Variants in RUVBL1 observed in about 807,000 individuals in gnomAD.
RUVBL1 encodes RuvB like AAA ATPase 1, also known as ruvB-like 1.
RUVBL1 carries 4 observed loss-of-function variants against 52.4 expected under a neutral mutation model. The ratio of observed to expected loss-of-function variants is 0.08; its 90% CI spans 0.04 to 0.17. RUVBL1 has a LOEUF of 0.17. RUVBL1 is among the 10% of genes least tolerant of loss of function. The pLI is 1.00. For missense variants in RUVBL1, 298 were observed against 572.8 expected (o/e 0.52, Z 4.90); for synonymous variants, 217 against 214.4 (o/e 1.01, Z -0.10).
At chr3:128,076,266 C>G (rs1186736393), downstream of RUVBL1, among the ~76,000 whole-genome samples, 3 of 152,070 alleles carry the variant, frequency 2.0e-5, no homozygotes, top group Non-Finnish European at 4.4e-5. This position sits in a 1 kb window ranked among gnomAD's most constrained non-coding sequence, Gnocchi z 6.8. Flanking sequence ...CGGTGGGGAG[C>G]GAGCAGGGCC....
intron 8 of RUVBL1, among the ~76,000 whole-genome samples, chr3:128,091,302 CG>C (rs143644091): frequency 3.0e-5 from 2 of 66,286 alleles, no homozygotes; most frequent in Non-Finnish European, 6.7e-5. Context: ...GCTGGGGGAA[CG>C]GGGGGTGGGG....
chr3:128,107,880 C>T (rs974527696), intron 3 of RUVBL1, among the ~76,000 whole-genome samples: 3 of 152,190 alleles, frequency 2.0e-5, no homozygotes, highest in Non-Finnish European at 2.9e-5. Flanking sequence ...GGAATGCTTA[C>T]TTATATTTAC....
chr3:128,064,921 G>A, exon 10 of RUVBL1: 1 of 1,613,682 alleles, frequency 6.2e-7, no homozygotes, highest in South Asian at 1.1e-5. Context: ...CCATCTGCTG[G>A]CCACACGCAC....
intron 9 of RUVBL1, chr3:128,069,330 G>A (rs192162457): frequency 1.2e-5 from 9 of 760,920 alleles, no homozygotes; most frequent in South Asian, 5.3e-5. Context: ...GGCCTAGAGC[G>A]CTAGCATGTT....
At chr3:128,118,053 A>C (rs1404886920) in intron 2 of RUVBL1, among the ~76,000 whole-genome samples, 1 of 152,218 alleles carries the variant, frequency 6.6e-6, no homozygotes, top group Non-Finnish European at 1.5e-5. Flanking sequence ...AACGTGAGAG[A>C]CTTTCCCACC....
intron 9 of RUVBL1, among the ~76,000 whole-genome samples, chr3:128,072,190 A>G (rs975577523): frequency 4.6e-5 from 7 of 152,146 alleles, no homozygotes; most frequent in African/African-American, 1.7e-4. Context: ...CGTGTCTAGA[A>G]GTCTTTCTGT....
chr3:128,082,436 C>T lies in RUVBL1; in HGVS notation c.1211+47G>A, dbSNP rs1942505830. On this transcript the variant is annotated intron_variant, in intron 10 of 10. Transcript: ENST00000322623. This position sits in a 1 kb window ranked among gnomAD's most constrained non-coding sequence, Gnocchi z 4.7. Reference sequence around the variant, plus strand: ...TGTCCAGAATGACCCCAGCGAGGGCCCTGGCTGTGCTGGGGAGGCCCCGGC... The same window carrying T: ...TGTCCAGAATGACCCCAGCGAGGGCTCTGGCTGTGCTGGGGAGGCCCCGGC... The T allele has an allele frequency of 7.0e-7, 1 of 1,418,822 alleles. No individual in the cohort carries two copies. The highest frequency in any genetic ancestry group is 1.4e-5 in the African/African-American group (1 of 71,038). 87.9% of individuals were successfully genotyped at this position (1,418,822 alleles called of 1,614,324 possible).
At chr3:128,138,854 AC>A (rs1305085109) in intron 1 of RUVBL1, among the ~76,000 whole-genome samples, 3 of 152,120 alleles carry the variant, frequency 2.0e-5, no homozygotes, top group Non-Finnish European at 4.4e-5. Flanking sequence ...AAAAACAAAA[AC>A]AAAAACATAG....
chr3:128,124,064 G>A (rs1576480096), upstream of RUVBL1, among the ~76,000 whole-genome samples: 1 of 152,276 alleles, frequency 6.6e-6, no homozygotes, highest in South Asian at 2.1e-4. Flanking sequence ...AGTGGCCCCC[G>A]GGTACCACTC....
At chr3:128,131,010 T>C (rs1225564803) in intron 1 of RUVBL1, among the ~76,000 whole-genome samples, 1 of 152,050 alleles carries the variant, frequency 6.6e-6, no homozygotes, top group African/African-American at 2.4e-5. Context: ...TCTTAGCTAC[T>C]TGGGAGGCTG....
At chr3:128,098,640 T>A (rs1188252307) in intron 7 of RUVBL1, among the ~76,000 whole-genome samples, 1 of 152,188 alleles carries the variant, frequency 6.6e-6, no homozygotes, top group African/African-American at 2.4e-5. Flanking sequence ...AATCCCTATT[T>A]CTGGGGCCTC....
At chr3:128,124,342 C>G (rs1242887344), upstream of RUVBL1, among the ~76,000 whole-genome samples, 1 of 151,880 alleles carries the variant, frequency 6.6e-6, no homozygotes, top group Non-Finnish European at 1.5e-5. Flanking sequence ...GTTCAGTTGA[C>G]TGTAAATAAC....
At chr3:128,116,548 A>G (rs1012439845) in intron 2 of RUVBL1, among the ~76,000 whole-genome samples, 1 of 151,816 alleles carries the variant, frequency 6.6e-6, no homozygotes, top group African/African-American at 2.4e-5. Context: ...AAAAAAAGAC[A>G]TTATAACTTG....
At chr3:128,114,970 T>C (rs1943486332) in intron 2 of RUVBL1, among the ~76,000 whole-genome samples, 1 of 151,832 alleles carries the variant, frequency 6.6e-6, no homozygotes, top group Admixed American at 6.6e-5. Flanking sequence ...ACAGAAGAGA[T>C]GAACATACTT....
chr3:128,129,684 T>C (rs2107727464), intron 1 of RUVBL1, among the ~76,000 whole-genome samples: 1 of 152,296 alleles, frequency 6.6e-6, no homozygotes, highest in East Asian at 1.9e-4. Flanking sequence ...TAGAATATTA[T>C]TAAGCCCTAA....
At chr3:128,146,314 G>A (rs554617727) in intron 1 of RUVBL1, among the ~76,000 whole-genome samples, 18 of 152,088 alleles carry the variant, frequency 1.2e-4, no homozygotes, top group African/African-American at 1.9e-4. Context: ...ATGTGCGTGC[G>A]TCTGTGTGTG....
intron 1 of RUVBL1, among the ~76,000 whole-genome samples, chr3:128,150,963 A>ATATATATTATATATAT (rs1944194502): frequency 2.2e-5 from 2 of 91,194 alleles, no homozygotes; most frequent in African/African-American, 9.1e-5. Flanking sequence ...TATATATTCT[A>ATATATATTATATATAT]TATATTATAT....
At chr3:128,100,309 G>A (rs545238020) in intron 6 of RUVBL1, among the ~76,000 whole-genome samples, 34 of 152,330 alleles carry the variant, frequency 2.2e-4, no homozygotes, top group African/African-American at 7.5e-4. Flanking sequence ...AATCCCAGGT[G>A]TGAGCCCACT....
At position 128,113,620 on chromosome 3, in the gene RUVBL1, G is replaced by C. The variant is rs139369468; in HGVS notation, c.229-600C>G. 2.3e-3 allele frequency among the ~76,000 whole-genome samples: 343 copies of C among 152,172 alleles called. 3 individuals are homozygous for C. The highest frequency in any genetic ancestry group is 7.9e-3 in the African/African-American group (326 of 41,516). On this transcript the variant is annotated intron_variant, in intron 2 of 10. Transcript: ENST00000322623. The stretch of plus-strand genomic sequence containing the variant: ...ATGCTATGTAAATAGTTATTATATT[G>C]TATTTTTAAGTATGTATTATTTTTG...
Sources: allele counts gnomAD v4.1 joint callset (sites outside exome capture counted in the v4.1 genomes callset), GRCh38; gene constraint gnomAD v4.1.1; non-coding constraint Gnocchi (gnomAD v3.1); transcripts MANE v1.5; gene names NCBI Gene and HGNC (gene_info 2026-07-23, HGNC 2026-07-21).